FANCA: variants seen among roughly 807,000 people sequenced by gnomAD.
FANCA encodes Fanconi anemia group A protein.
Under a neutral mutation model 194.3 loss-of-function variants are expected in FANCA, and 236 were observed. The ratio of observed to expected loss-of-function variants is 1.21; its 90% confidence interval spans 1.09 to 1.35. The LOEUF is 1.35. FANCA is among the 40% of genes most tolerant of loss of function. The pLI is 0.00. For missense variants in FANCA, 2,628 were observed against 1,813.9 expected, an observed-to-expected ratio of 1.45 and a Z score of -8.15; for synonymous variants, 1,014 against 715.8, an observed-to-expected ratio of 1.42 and a Z score of -6.65.
intron 29 of FANCA, 61 bp from the exon 30 acceptor site, chr16:89,758,766 A>C: frequency 6.2e-7 from 1 of 1,603,002 alleles, no homozygotes; most frequent in South Asian, 1.1e-5. Flanking sequence ...GGTTCCCCAT[A>C]ACCAGGGAAT....
At chr16:89,749,250 T>C (rs541719751) in intron 32 of FANCA, among the ~76,000 whole-genome samples, 1 of 152,338 alleles carries the variant, frequency 6.6e-6, no homozygotes, top group Non-Finnish European at 1.5e-5. Context: ...TCTCGCTCTG[T>C]TGCCCAGGCT....
In FANCA at chr16:89,775,691, G is replaced by T. The variant is rs755419305; in HGVS notation, c.1900+51C>A. 4 of 1,479,546 alleles carry T rather than the reference G, an allele frequency of 2.7e-6. No homozygotes were observed. In the East Asian group the frequency reaches 6.9e-5, roughly 25 times the overall value. 91.7% of individuals were successfully genotyped at this position (1,479,546 alleles called of 1,614,324 possible). A position where few individuals can be genotyped will look rare whatever the true frequency, so the allele number is the denominator to read the frequency against. On this transcript the variant is annotated intron_variant, in intron 21 of 42. Transcript: ENST00000389301. The stretch of plus-strand genomic sequence containing the variant: ...TAGCACAACAGACACTCAAGGTTAG[G>T]AAAATGGAAAAGCACAAGTCCCAGA...
At chr16:89,805,058 G>A (rs1455322195) in intron 7 of FANCA, among the ~76,000 whole-genome samples, 1 of 152,046 alleles carries the variant, frequency 6.6e-6, no homozygotes, top group Non-Finnish European at 1.5e-5. Context: ...AAAGGTGAAT[G>A]GAAACACTTA....
intron 3 of FANCA, among the ~76,000 whole-genome samples, chr16:89,813,284 T>C (rs558989072): frequency 6.6e-6 from 1 of 151,856 alleles, no homozygotes; most frequent in East Asian, 1.9e-4. Context: ...GGCGCACACC[T>C]GTAGTCCCAG....
At chr16:89,761,831 G>T (rs1167741179) in intron 29 of FANCA, 118 bp downstream of exon 29, 2 of 819,410 alleles carry the variant, frequency 2.4e-6, no homozygotes, top group African/African-American at 1.7e-5. Context: ...TCCCCATGTT[G>T]CCCAGGCTGA....
intron 10 of FANCA, among the ~76,000 whole-genome samples, chr16:89,796,965 C>T (rs541408613): frequency 5.9e-5 from 9 of 151,912 alleles, no homozygotes; most frequent in East Asian, 2.0e-4. Context: ...GAGACCATCC[C>T]GGCCAACCCA....
At chr16:89,760,997 T>C (rs554543407) in intron 29 of FANCA, among the ~76,000 whole-genome samples, 2 of 152,316 alleles carry the variant, frequency 1.3e-5, no homozygotes, top group Non-Finnish European at 2.9e-5. Context: ...CCCTCATTGA[T>C]ACAAAGGTGC....
At position 89,796,151 on chromosome 16, in the gene FANCA, A is replaced by G. The variant is rs1056529283; in HGVS notation, c.894-133T>C. ...AAGGGGCTTTCTTGGCCAGGCCACT[A>G]TAACCACAGACTTGAAACTGAATCC... On this transcript the variant is annotated intron_variant, in intron 10 of 42. Transcript: ENST00000389301. 1.4e-5 allele frequency: 10 copies of G among 728,272 alleles called. No homozygotes were observed. In the African/African-American group the frequency reaches 1.6e-4, roughly 11 times the overall value. The allele number at this position is 728,272 out of a possible 1,614,324, so 45.1% of individuals were successfully genotyped here. A position where few individuals can be genotyped will look rare whatever the true frequency, so the allele number is the denominator to read the frequency against.
In FANCA at chr16:89,769,837, T is replaced by A. The variant is rs749268120; in HGVS notation, c.2504A>T (p.Lys835Ile). Reference sequence around the variant, plus strand: ...ACGCGACTGTGGAAGAAGAGCTCACTTCAGGCAGAAGAACAAGGAATCCCT... The same window carrying A: ...ACGCGACTGTGGAAGAAGAGCTCACATCAGGCAGAAGAACAAGGAATCCCT... ...RTRDSLFFCL[K>I]FCTAAISYSL... Residue 835 changes from lysine to isoleucine, a missense_variant and splice_region_variant, in exon 26 of 43, where the codon AAA becomes ATA. By Grantham distance (102) the Lys-to-Ile change is moderately radical (BLOSUM62 -3). Transcript: ENST00000389301. 1 of 1,614,066 alleles carries A rather than the reference T, an allele frequency of 6.2e-7. No individual in the cohort carries two copies. Among genetic ancestry groups the A allele is most frequent in the Admixed American group, 1.7e-5 (1 of 60,000 alleles).
At chr16:89,739,315 T>C in intron 40 of FANCA, 26 bp from the exon 41 acceptor site, 1 of 1,613,962 alleles carries the variant, frequency 6.2e-7, no homozygotes, top group Non-Finnish European at 8.5e-7. Flanking sequence ...TAGTGACAAA[T>C]GGCTACAGAC....
Position 89,814,568 on chromosome 16 carries a change from C to G in FANCA, c.235G>C (p.Asp79His), listed in dbSNP as rs1397573383. The change falls in exon 3 of 43, where the codon GAC (aspartate) becomes CAC (histidine). Residue 79 changes from aspartate (D) to histidine (H), a missense_variant. Asp to His is a moderately conservative substitution (Grantham distance 81). Coordinates refer to ENST00000389301, the MANE Select transcript of FANCA (RefSeq NM_000135.4). ...GCATAGGCCTCAGAACTGTCACAGT[C>G]AATCACTTTGCTGAGAGACAATTTT... ...CKKLSLSKVI[D>H]CDSSEAYANH... is the part of the protein sequence containing the mutation. The G allele has an allele frequency of 1.2e-6, 2 of 1,613,828 alleles. No individual in the cohort carries two copies. Among genetic ancestry groups the G allele is most frequent in the African/African-American group, 2.7e-5 (2 of 74,926 alleles).
intron 37 of FANCA, among the ~76,000 whole-genome samples, 190 bp from the exon 38 acceptor site, chr16:89,741,056 G>C (rs1300563785): frequency 6.6e-6 from 1 of 152,138 alleles, no homozygotes; most frequent in Non-Finnish European, 1.5e-5. Context: ...CTACTGGCTG[G>C]GTCATTTCAC....
chr16:89,784,887 T>A lies in FANCA; in HGVS notation c.1437A>T (p.Glu479Asp). ...ALVFLFTFLS[E>D]LVPFESPRYL... ...ACCGGGGAGACTCAAAAGGCACGAGTTCTGACAAGAACGTAAACAGGAAGA... is the reference window on the plus strand; with the variant it reads ...ACCGGGGAGACTCAAAAGGCACGAGATCTGACAAGAACGTAAACAGGAAGA... Residue 479 changes from glutamate to aspartate, a missense_variant, in exon 15 of 43, where the codon GAA (glutamate) becomes GAT (aspartate). By Grantham distance (45) the Glu-to-Asp change is conservative. Coordinates refer to ENST00000389301, the MANE Select transcript of FANCA (RefSeq NM_000135.4). 1.2e-6 allele frequency: 2 copies of A among 1,614,034 alleles called. No homozygotes were observed. The highest frequency in any genetic ancestry group is 2.2e-5 in the East Asian group (1 of 44,870).
chr16:89,737,824 G>T lies in FANCA; in HGVS notation c.*777C>A. On this transcript the variant is annotated 3_prime_UTR_variant, in exon 43 of 43. Transcript: ENST00000389301. ...CTCTCAGAGGTGCGGAACTATATCTGTGACGAATGTGGACAAACCTTCAAG... is the reference window on the plus strand; with the variant it reads ...CTCTCAGAGGTGCGGAACTATATCTTTGACGAATGTGGACAAACCTTCAAG... 1 of 1,614,186 alleles carries T rather than the reference G, an allele frequency of 6.2e-7. No individual in the cohort carries two copies. Among genetic ancestry groups the T allele is most frequent in the Non-Finnish European group, 8.5e-7 (1 of 1,180,034 alleles).
At chr16:89,802,687 G>A (rs2143610788) in intron 8 of FANCA, among the ~76,000 whole-genome samples, 1 of 152,330 alleles carries the variant, frequency 6.6e-6, no homozygotes, top group East Asian at 1.9e-4. Context: ...ACAGGCATGA[G>A]CCACCATGCC....
intron 30 of FANCA, among the ~76,000 whole-genome samples, chr16:89,756,936 G>T (rs1435052818): frequency 6.6e-6 from 1 of 152,182 alleles, no homozygotes; most frequent in Non-Finnish European, 1.5e-5. Context: ...TCAGGGAAAG[G>T]CAAGAATGCT....
intron 1 of FANCA, chr16:89,816,216 T>G: frequency 1.9e-6 from 1 of 522,800 alleles, no homozygotes; most frequent in Non-Finnish European, 3.5e-6. Flanking sequence ...CGGGGACGGC[T>G]GGCGAGGGGC....
chr16:89,795,357 G>A (rs557182450), intron 11 of FANCA, among the ~76,000 whole-genome samples: 57 of 151,790 alleles, frequency 3.8e-4, no homozygotes, highest in Admixed American at 2.7e-3. Context: ...CGCTGGGTGC[G>A]GTGGCTCACA....
intron 42 of FANCA, 84 bp from the exon 43 acceptor site, chr16:89,738,792 G>C (rs1466476057): frequency 2.5e-6 from 4 of 1,613,200 alleles, no homozygotes; most frequent in Non-Finnish European, 3.4e-6. Context: ...AAATAGTCGA[G>C]TTGTATTGCC....
Sources: allele counts gnomAD v4.1 joint callset (sites outside exome capture counted in the v4.1 genomes callset), GRCh38; gene constraint gnomAD v4.1.1; transcripts MANE v1.5; gene names NCBI Gene and HGNC (gene_info 2026-07-23, HGNC 2026-07-21).